PREX1: variants seen among roughly 807,000 people sequenced by gnomAD.
PREX1 encodes phosphatidylinositol 3,4,5-trisphosphate-dependent Rac exchanger 1 protein.
In PREX1, 41 loss-of-function variants were observed where a neutral mutation model predicts 198.3. The observed-to-expected ratio is 0.21, with a 90% CI of 0.16 to 0.27. The LOEUF (loss-of-function observed/expected upper bound fraction) is 0.27. Ranked by LOEUF, PREX1 falls within the 10% of genes least tolerant of loss-of-function variation. The probability of loss-of-function intolerance (pLI) is 1.00; values close to 1 mark genes in which losing one functional copy is unlikely to be tolerated. For missense variants in PREX1, 1,620 were observed against 2,200.7 expected (o/e 0.74, Z 5.28); for synonymous variants, 843 against 887.2 (o/e 0.95, Z 0.89).
intron 1 of PREX1, among the ~76,000 whole-genome samples, chr20:48,769,588 T>A (rs1223106349): frequency 6.6e-6 from 1 of 151,942 alleles, no homozygotes; most frequent in Non-Finnish European, 1.5e-5. Flanking sequence ...CTCCCTCATC[T>A]CCTCCCACAC....
At chr20:48,647,587 A>T (rs1601041522) in intron 25 of PREX1, among the ~76,000 whole-genome samples, 1 of 150,956 alleles carries the variant, frequency 6.6e-6, no homozygotes, top group Admixed American at 6.6e-5. Context: ...GAATACGCCC[A>T]GCTAGATGCA....
At chr20:48,778,563 C>G (rs758882825) in intron 1 of PREX1, among the ~76,000 whole-genome samples, 11 of 151,902 alleles carry the variant, frequency 7.2e-5, no homozygotes, top group Non-Finnish European at 1.5e-4. Flanking sequence ...GTACTCCAGC[C>G]TGGGTGACAG....
chr20:48,650,109 C>G lies in PREX1; in HGVS notation c.2915G>C (p.Cys972Ser), dbSNP rs139220518. 2 of 1,613,930 alleles carry G rather than the reference C, an allele frequency of 1.2e-6. No individual in the cohort carries two copies. Among genetic ancestry groups the G allele is most frequent in the Non-Finnish European group, 1.7e-6 (2 of 1,179,934 alleles). ...LCGLDFCPTN[C>S]HINLMEVSYP... ...GGACACTTCCATGAGGTTGATGTGGCAATTGGTGGGGCAGAAGTCCAGGCC... is the reference window on the plus strand; with the variant it reads ...GGACACTTCCATGAGGTTGATGTGGGAATTGGTGGGGCAGAAGTCCAGGCC... Residue 972 changes from cysteine (C) to serine (S), a missense_variant, in exon 24 of 40, where the codon TGC becomes TCC. Around this residue, in one of 7 missense-constraint regions of PREX1, gnomAD observed 514 missense variants for 611.6 expected, o/e 0.84. Transcript: ENST00000371941.
Position 48,647,642 on chromosome 20 carries a change from G to C in PREX1, c.3306-1585C>G, listed in dbSNP as rs185421148. 2.1e-4 allele frequency among the ~76,000 whole-genome samples: 32 copies of C among 151,908 alleles called. No individual in the cohort carries two copies. The East Asian group carries it at 6.0e-3, about 29-fold the overall frequency. On this transcript the variant is annotated intron_variant, in intron 25 of 39. Transcript: ENST00000371941. ...GTCAGTAGCATGATTAGCCCCATTT[G>C]ACAAACGAGGAAACCAAGGCTCAGA...
At chr20:48,753,568 G>T (rs1468058972) in intron 1 of PREX1, among the ~76,000 whole-genome samples, 1 of 152,138 alleles carries the variant, frequency 6.6e-6, no homozygotes, top group East Asian at 1.9e-4. Context: ...CAGTGACAAG[G>T]TCAAGAAATC....
the PREX1 span, among the ~76,000 whole-genome samples, chr20:48,872,603 G>A: frequency 3.7e-3 from 561 of 152,230 alleles, 3 homozygotes; most frequent in African/African-American, 0.01. Flanking sequence ...AAAATTAGCC[G>A]GGTATGGTGC....
chr20:48,796,287 G>T (rs945610573), intron 1 of PREX1, among the ~76,000 whole-genome samples: 1 of 150,282 alleles, frequency 6.7e-6, no homozygotes, highest in African/African-American at 2.5e-5. Context: ...ATCAACAGGG[G>T]ACTAATTTAA....
the PREX1 span, among the ~76,000 whole-genome samples, chr20:48,860,417 A>G: frequency 6.6e-6 from 1 of 152,232 alleles, no homozygotes; most frequent in Non-Finnish European, 1.5e-5. Context: ...TCGGCTTTGC[A>G]AGATGAAAAG....
chr20:48,665,285 C>T (rs930730379), intron 15 of PREX1, among the ~76,000 whole-genome samples: 2 of 145,280 alleles, frequency 1.4e-5, no homozygotes, highest in African/African-American at 5.3e-5. Flanking sequence ...GAATTCTAAT[C>T]CCGGCTCCAG....
chr20:48,887,306 G>C, the PREX1 span, among the ~76,000 whole-genome samples: 2 of 152,152 alleles, frequency 1.3e-5, no homozygotes, highest in Non-Finnish European at 2.9e-5. Context: ...GGAGCAGTGG[G>C]TCACACCTGT....
At chr20:48,878,695 G>C in the PREX1 span, among the ~76,000 whole-genome samples, 2 of 152,132 alleles carry the variant, frequency 1.3e-5, no homozygotes, top group Non-Finnish European at 2.9e-5. Context: ...TTCCTTCCAT[G>C]TGTTTTAGGA....
At chr20:48,693,091 T>C (rs2089827601) in intron 7 of PREX1, among the ~76,000 whole-genome samples, 2 of 152,154 alleles carry the variant, frequency 1.3e-5, no homozygotes, top group African/African-American at 4.8e-5. Flanking sequence ...CCCATTCTTC[T>C]TGGCTAGAAA....
Position 48,681,220 on chromosome 20 carries a change from C to T in PREX1, c.1435+15G>A, listed in dbSNP as rs41283560. 9.8e-3 allele frequency: 15,839 copies of T among 1,611,738 alleles called. 111 individuals carry two copies. The highest frequency in any genetic ancestry group is 0.012 in the Non-Finnish European group (14,136 of 1,178,208). ...TCCCACCCCTTGGCCCAGCTGGGCC[C>T]AGCCCTCCACTCACCATGGTGGATG... On this transcript the variant is annotated intron_variant, in intron 11 of 39. Coordinates refer to ENST00000371941, the MANE Select transcript of PREX1 (RefSeq NM_020820.4).
intron 25 of PREX1, among the ~76,000 whole-genome samples, chr20:48,648,349 T>G (rs542058281): frequency 2.6e-5 from 4 of 152,354 alleles, no homozygotes; most frequent in Non-Finnish European, 5.9e-5. Flanking sequence ...AATCTTTAGC[T>G]ATGTCCAAAG....
chr20:48,750,234 C>A (rs1601113161), intron 1 of PREX1, among the ~76,000 whole-genome samples: 1 of 152,160 alleles, frequency 6.6e-6, no homozygotes, highest in South Asian at 2.1e-4. Context: ...CACCACCCCC[C>A]CAGTCCAAGC....
chr20:48,771,922 G>A (rs1037596696), intron 1 of PREX1, among the ~76,000 whole-genome samples: 4 of 152,134 alleles, frequency 2.6e-5, no homozygotes, highest in Non-Finnish European at 5.9e-5. Context: ...GGCTGGGCGC[G>A]GTGGCTCCCA....
At chr20:48,824,511 T>C (rs2090500409) in intron 1 of PREX1, among the ~76,000 whole-genome samples, 1 of 152,214 alleles carries the variant, frequency 6.6e-6, no homozygotes, top group South Asian at 2.1e-4. Flanking sequence ...ACAACCCTAA[T>C]TATCTGTATT....
At chr20:48,881,021 C>T in the PREX1 span, among the ~76,000 whole-genome samples, 1 of 113,618 alleles carries the variant, frequency 8.8e-6, no homozygotes, top group Non-Finnish European at 1.8e-5. Flanking sequence ...CTTCTTTTCT[C>T]AATACAGAGA....
chr20:48,876,087 G>A, the PREX1 span, among the ~76,000 whole-genome samples: 1 of 152,196 alleles, frequency 6.6e-6, no homozygotes, highest in Non-Finnish European at 1.5e-5. Flanking sequence ...ACTTGAGTGA[G>A]TCATTGGGGC....
Sources: gnomAD v4.1 joint callset for allele counts (sites outside exome capture counted in the v4.1 genomes callset) on GRCh38, gnomAD v4.1.1 for gene constraint, gnomAD v4.1.1 regional missense constraint, MANE v1.5 for transcripts, NCBI Gene and HGNC (gene_info 2026-07-23, HGNC 2026-07-21) for gene names.